Variants in LRRC49 observed in about 807,000 individuals in gnomAD.
LRRC49 encodes leucine-rich repeat-containing protein 49.
A neutral mutation model predicts 83.3 loss-of-function variants in LRRC49; 50 were observed. That is an observed-to-expected ratio of 0.60 (90% CI 0.48 to 0.76). LRRC49 has a LOEUF of 0.76. Ranked by LOEUF, LRRC49 falls within the 30% of genes least tolerant of loss-of-function variation. LRRC49 has a pLI of 0.00. For synonymous variants in LRRC49, 286 were observed against 283.3 expected (o/e 1.01, Z -0.10); for missense variants, 704 against 809.1 (o/e 0.87, Z 1.58).
chr15:70,917,080 C>A (rs548568801), intron 6 of LRRC49, among the ~76,000 whole-genome samples: 1 of 152,342 alleles, frequency 6.6e-6, no homozygotes, highest in Admixed American at 6.5e-5. Flanking sequence ...TGGGGCAGTG[C>A]TTACACACCA....
At chr15:71,012,780 C>A (rs181674129) in intron 13 of LRRC49, 24 bp from the exon 14 acceptor site, 2 of 1,360,200 alleles carry the variant, frequency 1.5e-6, no homozygotes, top group Middle Eastern at 1.8e-4. Context: ...CATTTTTTTA[C>A]CCCTTTCTAT....
chr15:70,974,158 A>G (rs1398822448), intron 9 of LRRC49, among the ~76,000 whole-genome samples: 1 of 152,090 alleles, frequency 6.6e-6, no homozygotes, highest in Non-Finnish European at 1.5e-5. Flanking sequence ...AAATAAAAAG[A>G]TGGTTTGTGA....
At chr15:70,981,368 A>G (rs2037392075) in intron 10 of LRRC49, among the ~76,000 whole-genome samples, 2 of 151,692 alleles carry the variant, frequency 1.3e-5, no homozygotes, top group Non-Finnish European at 2.9e-5. Flanking sequence ...TAGGGGACGG[A>G]TAGCATTAGG....
intron 1 of LRRC49, among the ~76,000 whole-genome samples, chr15:70,856,402 G>A (rs953019168): frequency 1.3e-5 from 2 of 152,136 alleles, no homozygotes; most frequent in Admixed American, 1.3e-4. Flanking sequence ...GGTAGGGAAT[G>A]GGTAGTCTGG....
At chr15:70,918,788 G>T (rs2034893346) in intron 6 of LRRC49, 2 of 298,808 alleles carry the variant, frequency 6.7e-6, no homozygotes, top group East Asian at 7.5e-5. Flanking sequence ...GTTGCCCAAT[G>T]GACTCATTGA....
Position 71,024,858 on chromosome 15 carries a change from A to G in LRRC49, c.1703+11945A>G, listed in dbSNP as rs79821674. ...GAATAACCAGTTTAGAGAGGAACAT[A>G]GCGACCTGATGGAACTGAAAAACAC... On this transcript the variant is annotated intron_variant, in intron 14 of 15. Coordinates refer to ENST00000260382, the MANE Select transcript of LRRC49 (RefSeq NM_017691.5). Among the ~76,000 whole-genome samples, 304 of 152,278 alleles carry G rather than the reference A, an allele frequency of 2.0e-3. 2 individuals carry two copies. The highest frequency in any genetic ancestry group is 7.0e-3 in the African/African-American group (291 of 41,556).
chr15:70,981,632 A>C (rs1180112090), intron 10 of LRRC49, among the ~76,000 whole-genome samples: 2 of 152,154 alleles, frequency 1.3e-5, no homozygotes, highest in Non-Finnish European at 2.9e-5. Context: ...GAAGTGAAGG[A>C]AAGTGAAACT....
At chr15:70,939,946 A>G (rs975638650) in intron 8 of LRRC49, among the ~76,000 whole-genome samples, 9 of 150,830 alleles carry the variant, frequency 6.0e-5, no homozygotes, top group African/African-American at 2.2e-4. Context: ...GTTAAAGGTC[A>G]CTGAAGCACA....
chr15:70,910,946 A>G (rs2034525108), intron 5 of LRRC49, among the ~76,000 whole-genome samples: 1 of 152,210 alleles, frequency 6.6e-6, no homozygotes, highest in African/African-American at 2.4e-5. Context: ...GGAAAGAGTA[A>G]TGGGGACAGG....
intron 7 of LRRC49, among the ~76,000 whole-genome samples, chr15:70,923,329 A>G (rs1056702242): frequency 6.6e-6 from 1 of 152,006 alleles, no homozygotes; most frequent in African/African-American, 2.4e-5. Context: ...GTCAGTATCT[A>G]TAGTTGATGC....
At chr15:70,904,425 T>G in intron 4 of LRRC49, 127 bp from the exon 5 acceptor site, 7 of 597,922 alleles carry the variant, frequency 1.2e-5, no homozygotes, top group South Asian at 4.8e-5. Flanking sequence ...TTCATGGGGG[T>G]TGGAAGTGGT....
chr15:70,946,240 C>A (rs2036004186), intron 8 of LRRC49, among the ~76,000 whole-genome samples: 1 of 152,134 alleles, frequency 6.6e-6, no homozygotes, highest in Non-Finnish European at 1.5e-5. Context: ...AACATCTCCC[C>A]AATCACCCTA....
chr15:71,032,070 G>A (rs965303732), intron 14 of LRRC49, among the ~76,000 whole-genome samples: 1 of 152,154 alleles, frequency 6.6e-6, no homozygotes, highest in African/African-American at 2.4e-5. Flanking sequence ...CTAGTTCAAT[G>A]TCTTCCCAAA....
intron 9 of LRRC49, among the ~76,000 whole-genome samples, chr15:70,968,714 T>C (rs974998330): frequency 2.6e-5 from 4 of 152,244 alleles, no homozygotes; most frequent in African/African-American, 9.6e-5. Flanking sequence ...GTGGTTTGCT[T>C]TGCATTTCTC....
intron 8 of LRRC49, among the ~76,000 whole-genome samples, chr15:70,957,841 A>G (rs1287906298): frequency 6.6e-6 from 1 of 152,222 alleles, no homozygotes; most frequent in East Asian, 1.9e-4. Context: ...CCAACATAAC[A>G]GTGTTCCAGG....
In LRRC49 at chr15:70,947,489, G is replaced by GA. The variant is rs546421397; in HGVS notation, c.773+10676dup. On this transcript the variant is annotated intron_variant, in intron 8 of 15. Coordinates refer to ENST00000260382, the MANE Select transcript of LRRC49 (RefSeq NM_017691.5). ...ACAAAGACGTGAGTGACAGAAACAT[G>GA]AAAAAAAAACCTTGCAGCTTTTGGA... 7.0e-3 allele frequency among the ~76,000 whole-genome samples: 1,050 copies of GA among 150,978 alleles called. 10 individuals are homozygous for GA. Among genetic ancestry groups the GA allele is most frequent in the Middle Eastern group, 0.021 (6 of 292 alleles).
At position 70,968,854 on chromosome 15, in the gene LRRC49, T is replaced by C. The variant is rs1372602822; in HGVS notation, c.921+4922T>C. ...GTTTGTTTCTTTCTTGTAAATTTGT[T>C]TACGTTCCTTGTAGATTCTGGATAT... On this transcript the variant is annotated intron_variant, in intron 9 of 15. Transcript: ENST00000260382. Among the ~76,000 whole-genome samples the C allele has an allele frequency of 3.9e-5, 6 of 152,204 alleles. No individual in the cohort carries two copies. In the South Asian group the frequency reaches 1.0e-3, roughly 26 times the overall value.
In LRRC49 at chr15:70,919,132, A is replaced by G. The variant is rs1306968081; in HGVS notation, c.650A>G (p.Asn217Ser). The G allele has an allele frequency of 6.2e-7, 1 of 1,613,052 alleles. No homozygotes were observed. Among genetic ancestry groups the G allele is most frequent in the East Asian group, 2.2e-5 (1 of 44,794 alleles). ...AGGAACTTTTTAAGTCATGTTGATA[A>G]TCTTAATGGGCTGGATTCACTAACT... ...LARNFLSHVD[N>S]LNGLDSLTEL... The change falls in exon 7 of 16, where the codon AAT becomes AGT. Residue 217 changes from asparagine to serine, a missense_variant. Asn to Ser is a conservative substitution (Grantham distance 46, BLOSUM62 1). Coordinates refer to ENST00000260382, the MANE Select transcript of LRRC49 (RefSeq NM_017691.5).
intron 1 of LRRC49, chr15:70,853,508 A>C: frequency 1.2e-5 from 2 of 162,098 alleles, no homozygotes; most frequent in Non-Finnish European, 2.7e-5. Context: ...GAAGGCGGGT[A>C]GGGATGGACT....
Sources: allele counts gnomAD v4.1 joint callset (sites outside exome capture counted in the v4.1 genomes callset), GRCh38; gene constraint gnomAD v4.1.1; transcripts MANE v1.5; gene names NCBI Gene and HGNC (gene_info 2026-07-23, HGNC 2026-07-21).